Variants in MMP13 observed in about 807,000 individuals in gnomAD.
MMP13 encodes matrix metallopeptidase 13, also known as collagenase 3.
Under a neutral mutation model 52.1 loss-of-function variants are expected in MMP13, and 45 were observed. The observed-to-expected ratio is 0.86, with a 90% CI of 0.68 to 1.11. The LOEUF (loss-of-function observed/expected upper bound fraction) is 1.11, where lower values mean the gene tolerates loss of function less well. Ranked by LOEUF, MMP13 falls within the 50% of genes least tolerant of loss-of-function variation. The pLI is 0.00. For synonymous variants in MMP13, 200 were observed against 204.4 expected (o/e 0.98, Z 0.18); for missense variants, 576 against 583.8 (o/e 0.99, Z 0.14).
intron 4 of MMP13, among the ~76,000 whole-genome samples, chr11:102,953,786 C>T (rs554893004): frequency 8.5e-5 from 13 of 152,240 alleles, no homozygotes; most frequent in African/African-American, 2.9e-4. Context: ...ATGTATGACC[C>T]ATAGATCCAG....
In MMP13 at chr11:102,955,473, G is replaced by A. The variant is rs1481573629; in HGVS notation, c.141C>T (p.Tyr47=). ...QFAERYLRSY[Y]HPTNLAGILK... The stretch of plus-strand genomic sequence containing the variant: ...GGATTCCCGCGAGATTTGTAGGATG[G>A]TAGTATGATCTCAGGTAGCGCTAGA... The change falls in exon 2 of 10, where the codon TAC becomes TAT. Residue 47 remains tyrosine, a synonymous_variant. Coordinates refer to ENST00000260302, the MANE Select transcript of MMP13 (RefSeq NM_002427.4). The surrounding 1 kb of genome is among the most constrained non-coding windows in gnomAD (Gnocchi z 4.9). The A allele has an allele frequency of 6.2e-7, 1 of 1,614,018 alleles. No homozygotes were observed. Among genetic ancestry groups the A allele is most frequent in the Admixed American group, 1.7e-5 (1 of 60,008 alleles).
At chr11:102,944,771 C>CTTTTTTTTTTTTT (rs557080076) in intron 9 of MMP13, among the ~76,000 whole-genome samples, 4 of 95,716 alleles carry the variant, frequency 4.2e-5, no homozygotes, top group Non-Finnish European at 6.2e-5. Context: ...CCACTCCCAG[C>CTTTTTTTTTTTTT]TTTTTTTTTT....
Position 102,954,294 on chromosome 11 carries a change from G to C in MMP13, c.512-13C>G, listed in dbSNP as rs769978537. 6.2e-7 allele frequency: 1 copy of C among 1,613,590 alleles called. No homozygotes were observed. The highest frequency in any genetic ancestry group is 1.1e-5 in the South Asian group (1 of 91,064). On this transcript the variant is annotated splice_polypyrimidine_tract_variant and intron_variant, in intron 3 of 9. Transcript: ENST00000260302. ...AAGTCGCCATGCTCTACACACAAAA[G>C]CAAGGGTTAGGAGTCTTATCACATC...
chr11:102,948,743 T>G (rs2134516519), intron 7 of MMP13, among the ~76,000 whole-genome samples: 1 of 152,290 alleles, frequency 6.6e-6, no homozygotes, highest in East Asian at 1.9e-4. Flanking sequence ...TAATGTTTTC[T>G]CAATAAACAA....
Position 102,952,070 on chromosome 11 carries a change from G to A in MMP13, c.741C>T (p.Thr247=), listed in dbSNP as rs782086012. The A allele has an allele frequency of 3.3e-5, 54 of 1,613,294 alleles. No individual in the cohort carries two copies. The highest frequency in any genetic ancestry group is 1.6e-4 in the East Asian group (7 of 44,882). The change falls in exon 5 of 10, where the codon ACC becomes ACT. Residue 247 remains threonine (T), a synonymous_variant. Coordinates refer to ENST00000260302, the MANE Select transcript of MMP13 (RefSeq NM_002427.4). This position sits in a 1 kb window ranked among gnomAD's most constrained non-coding sequence, Gnocchi z 4.3. The stretch of plus-strand genomic sequence containing the variant: ...CAGGAAGCATAAAGTGGCTTTTGCC[G>A]GTGTAGGTGTAGATAGGAAACATGA... ...GALMFPIYTY[T]GKSHFMLPDD... is the part of the protein sequence containing the mutation.
At chr11:102,951,400 G>T (rs1860609541) in intron 5 of MMP13, among the ~76,000 whole-genome samples, 1 of 152,078 alleles carries the variant, frequency 6.6e-6, no homozygotes, top group South Asian at 2.1e-4. Context: ...CTTTCTTATT[G>T]CAGAGGTGTT....
Position 102,954,531 on chromosome 11 carries a change from G to T in MMP13, c.438C>A (p.Ser146=). 6.2e-7 allele frequency: 1 copy of T among 1,613,450 alleles called. No homozygotes were observed. The highest frequency in any genetic ancestry group is 8.5e-7 in the Non-Finnish European group (1 of 1,179,618). Residue 146 remains serine, a synonymous_variant, in exon 3 of 10, where the codon TCC becomes TCA. Transcript: ENST00000260302. ...TGGTAAAATTCAGAGGAGTTACATC[G>T]GACCAAACTTTGAAGGCTTTTTTGA... ...KAFKKAFKVW[S]DVTPLNFTRL... is the part of the protein sequence containing the mutation.
chr11:102,946,761 G>A (rs1860515023), intron 8 of MMP13, among the ~76,000 whole-genome samples: 1 of 152,180 alleles, frequency 6.6e-6, no homozygotes, highest in South Asian at 2.1e-4. Flanking sequence ...ATGGAGGTAG[G>A]GAATGAAATG....
chr11:102,955,436 C>A lies in MMP13; in HGVS notation c.178G>T (p.Ala60Ser). Reference sequence around the variant, plus strand: ...AGCCTCTCAGTCATGGAGCTTGCTGCATTCTCCTTCAGGATTCCCGCGAGA... The same window carrying A: ...AGCCTCTCAGTCATGGAGCTTGCTGAATTCTCCTTCAGGATTCCCGCGAGA... ...TNLAGILKENAASSMTERLRE... is the reference protein window; with the variant it reads ...TNLAGILKENSASSMTERLRE... The change falls in exon 2 of 10, where the codon GCA becomes TCA. Residue 60 changes from alanine to serine, a missense_variant. Transcript: ENST00000260302. The surrounding 1 kb of genome is among the most constrained non-coding windows in gnomAD (Gnocchi z 4.9). The A allele has an allele frequency of 6.2e-7, 1 of 1,614,060 alleles. No homozygotes were observed.
At chr11:102,944,392 T>C (rs781986779) in intron 9 of MMP13, 26 bp from the exon 10 acceptor site, 3 of 1,487,824 alleles carry the variant, frequency 2.0e-6, no homozygotes, top group Non-Finnish European at 2.8e-6. Context: ...TAAAGACAAT[T>C]TCAGAGTTTG....
rs1171398972 is a variant in MMP13, at chr11:102,943,966, C to T, written c.*300G>A. The T allele has an allele frequency of 3.5e-6, 1 of 289,202 alleles. No homozygotes were observed. Among genetic ancestry groups the T allele is most frequent in the East Asian group, 7.3e-5 (1 of 13,738 alleles). The allele number at this position is 289,202 out of a possible 1,614,324, so 17.9% of individuals were successfully genotyped here. A position where few individuals can be genotyped will look rare whatever the true frequency, so the allele number is the denominator to read the frequency against. On this transcript the variant is annotated 3_prime_UTR_variant, in exon 10 of 10. Transcript: ENST00000260302. ...CTTATAAATATATTTTTAAATTATG[C>T]TCTCATTGACAGACCATGTGTCCCA...
At chr11:102,954,073 C>T in intron 4 of MMP13, 83 bp downstream of exon 4, 42 of 1,494,836 alleles carry the variant, frequency 2.8e-5, no homozygotes, top group Non-Finnish European at 3.9e-5. Context: ...ATATATTTAA[C>T]TTTTATGTGT....
At position 102,943,937 on chromosome 11, in the gene MMP13, T is replaced by A; in HGVS notation, c.*329A>T. 1 of 271,752 alleles carries A rather than the reference T, an allele frequency of 3.7e-6. No individual in the cohort carries two copies. The highest frequency in any genetic ancestry group is 4.2e-5 in the South Asian group (1 of 23,650). The allele number at this position is 271,752 out of a possible 1,614,324, so 16.8% of individuals were successfully genotyped here. A position where few individuals can be genotyped will look rare whatever the true frequency, so the allele number is the denominator to read the frequency against. Reference sequence around the variant, plus strand: ...GTATTTACTTTATGCCCTTGTAAAATTTCCTTATAAATATATTTTTAAATT... The same window carrying A: ...GTATTTACTTTATGCCCTTGTAAAAATTCCTTATAAATATATTTTTAAATT... On this transcript the variant is annotated 3_prime_UTR_variant, in exon 10 of 10. Transcript: ENST00000260302.
At position 102,955,301 on chromosome 11, in the gene MMP13, T is replaced by C. The variant is rs1164348381; in HGVS notation, c.313A>G (p.Asn105Asp). 3 of 1,613,954 alleles carry C rather than the reference T, an allele frequency of 1.9e-6. No homozygotes were observed. The highest frequency in any genetic ancestry group is 2.2e-5 in the South Asian group (2 of 91,084). The change falls in exon 2 of 10, where the codon AAT becomes GAT. Residue 105 changes from asparagine to aspartate, a missense_variant. Transcript: ENST00000260302. The surrounding 1 kb of genome is among the most constrained non-coding windows in gnomAD (Gnocchi z 4.9). Reference sequence around the variant, plus strand: ...CATTTAAGAGTTCGAGGGAAAACATTGTATTCACCCACATCAGGAACCCCG... The same window carrying C: ...CATTTAAGAGTTCGAGGGAAAACATCGTATTCACCCACATCAGGAACCCCG... ...RCGVPDVGEY[N>D]VFPRTLKWSK...
Position 102,952,603 on chromosome 11 carries a change from A to G in MMP13, c.638-430T>C, listed in dbSNP as rs559895297. Among the ~76,000 whole-genome samples, 63 of 152,276 alleles carry G rather than the reference A, an allele frequency of 4.1e-4. No homozygotes were observed. Among genetic ancestry groups the G allele is most frequent in the Middle Eastern group, 3.4e-3 (1 of 294 alleles). ...GTGCTGCCCAGAACATCCTCCAATC[A>G]GGAGGCAGCATCCAAAGGGATGGTA... On this transcript the variant is annotated intron_variant, in intron 4 of 9. Transcript: ENST00000260302. This position sits in a 1 kb window ranked among gnomAD's most constrained non-coding sequence, Gnocchi z 4.3.
At position 102,951,743 on chromosome 11, in the gene MMP13, G is replaced by T. The variant is rs150285119; in HGVS notation, c.799+269C>A. ...CTACAGATATAGGCTATATGGAACA[G>T]CCCATGTCTCCTAGGCTAGAAACCT... On this transcript the variant is annotated intron_variant, in intron 5 of 9. Coordinates refer to ENST00000260302, the MANE Select transcript of MMP13 (RefSeq NM_002427.4). Among the ~76,000 whole-genome samples, 345 of 152,242 alleles carry T rather than the reference G, an allele frequency of 2.3e-3. 2 individuals carry two copies. The highest frequency in any genetic ancestry group is 8.1e-3 in the African/African-American group (338 of 41,540).
rs79161835 is a variant in MMP13, at chr11:102,945,435, T to A, written c.1315+211A>T. On this transcript the variant is annotated intron_variant, in intron 9 of 9. Transcript: ENST00000260302. Reference sequence around the variant, plus strand: ...GGTTTAGCATCTCGTATTTATAGAATTAGCAATCATTAAGTAAAATTCTTA... The same window carrying A: ...GGTTTAGCATCTCGTATTTATAGAAATAGCAATCATTAAGTAAAATTCTTA... Among the ~76,000 whole-genome samples, 669 of 152,282 alleles carry A rather than the reference T, an allele frequency of 4.4e-3. 2 individuals are homozygous for A. Among genetic ancestry groups the A allele is most frequent in the African/African-American group, 0.016 (648 of 41,542 alleles).
Position 102,950,379 on chromosome 11 carries a change from T to A in MMP13, c.800-152A>T. ...TGGGGCTCCTACATCATGGTGCAAG[T>A]ACCGTGTAATCTTACTTCCTTCCTC... On this transcript the variant is annotated intron_variant, in intron 5 of 9. Coordinates refer to ENST00000260302, the MANE Select transcript of MMP13 (RefSeq NM_002427.4). The A allele has an allele frequency of 5.3e-6, 4 of 761,654 alleles. No homozygotes were observed. The South Asian group carries it at 5.6e-5, about 11-fold the overall frequency. 47.2% of individuals were successfully genotyped at this position (761,654 alleles called of 1,614,324 possible).
At chr11:102,954,084 T>TA in intron 4 of MMP13, 72 bp downstream of exon 4, 2 of 1,566,492 alleles carry the variant, frequency 1.3e-6, no homozygotes, top group Non-Finnish European at 8.7e-7. Context: ...TTTTATGTGT[T>TA]TTAACTTCAT....
Sources: allele counts gnomAD v4.1 joint callset (sites outside exome capture counted in the v4.1 genomes callset), GRCh38; gene constraint gnomAD v4.1.1; non-coding constraint Gnocchi (gnomAD v3.1); transcripts MANE v1.5; gene names NCBI Gene and HGNC (gene_info 2026-07-23, HGNC 2026-07-21).